Variants in RDH12 observed in about 807,000 individuals in gnomAD.
RDH12 encodes the protein retinol dehydrogenase 12, also known as all-trans and 9-cis retinol dehydrogenase.
Under a neutral mutation model 34.0 loss-of-function variants are expected in RDH12, and 21 were observed. That is an observed-to-expected ratio of 0.62 (90% CI 0.44 to 0.89). The LOEUF is 0.89. Ranked by LOEUF, RDH12 falls within the 40% of genes least tolerant of loss-of-function variation. The pLI is 0.00. For synonymous variants in RDH12, 198 were observed against 169.9 expected (o/e 1.17, Z -1.29); for missense variants, 394 against 398.6 (o/e 0.99, Z 0.10).
At chr14:67,732,515 T>C (rs8018479) in intron 8 of RDH12, among the ~76,000 whole-genome samples, 73,441 of 141,770 alleles carry the variant, frequency 0.52, 20,459 homozygotes, top group Non-Finnish European at 0.63. Flanking sequence ...AGACTATATC[T>C]CTATTTATAT....
chr14:67,715,274 G>C (rs1299518829), intron 1 of RDH12: 1 of 151,962 alleles, frequency 6.6e-6, no homozygotes, highest in Non-Finnish European at 1.5e-5. Context: ...ACAATATCCA[G>C]ATCTACTTCT....
At chr14:67,710,724 C>T (rs1184923274) in intron 1 of RDH12, among the ~76,000 whole-genome samples, 5 of 151,418 alleles carry the variant, frequency 3.3e-5, no homozygotes, top group Admixed American at 6.6e-5. Flanking sequence ...TTAAAGGACA[C>T]ACTTTTTTTT....
intron 2 of RDH12, 149 bp from the exon 3 acceptor site, chr14:67,722,275 G>A: frequency 2.8e-6 from 1 of 362,582 alleles, no homozygotes; most frequent in Non-Finnish European, 5.3e-6. Flanking sequence ...TGCAGTAGAG[G>A]TGGCAGTGGT....
chr14:67,711,731 C>A (rs2038010437), intron 1 of RDH12, among the ~76,000 whole-genome samples: 1 of 152,140 alleles, frequency 6.6e-6, no homozygotes, highest in Non-Finnish European at 1.5e-5. Flanking sequence ...GCTAAATAGC[C>A]TTAAATTTTC....
chr14:67,712,368 T>C (rs975626128), intron 1 of RDH12, among the ~76,000 whole-genome samples: 3 of 151,932 alleles, frequency 2.0e-5, no homozygotes, highest in African/African-American at 7.2e-5. Context: ...TTGTTTTTTG[T>C]TTTTTAATAA....
intron 8 of RDH12, among the ~76,000 whole-genome samples, chr14:67,731,467 A>G (rs987018077): frequency 2.5e-4 from 38 of 151,390 alleles, no homozygotes; most frequent in African/African-American, 9.0e-4. Context: ...CGCCCACCTC[A>G]GCCTCCCAAA....
chr14:67,704,257 G>C (rs576718995), intron 1 of RDH12, among the ~76,000 whole-genome samples: 22 of 152,270 alleles, frequency 1.4e-4, no homozygotes, highest in African/African-American at 4.3e-4. Context: ...GAAGGAGGAG[G>C]AGCAGCTAGA....
chr14:67,730,766 A>T (rs1016661737), intron 8 of RDH12, among the ~76,000 whole-genome samples: 1 of 151,774 alleles, frequency 6.6e-6, no homozygotes, highest in African/African-American at 2.4e-5. Context: ...ACCACACCTG[A>T]CTAGTTTTTG....
Position 67,722,627 on chromosome 14 carries a change from T to C in RDH12, c.-16T>C, listed in dbSNP as rs2038136888. On this transcript the variant is annotated 5_prime_UTR_variant, in exon 3 of 9. Coordinates refer to ENST00000551171, the MANE Select transcript of RDH12 (RefSeq NM_152443.3). ...GAGCAGCAGCAAAAGCAACAGCAGC[T>C]ACAGAAGTTGGAACGATGCTGGTCA... is the stretch of plus-strand genomic sequence containing the variant. 1.9e-6 allele frequency: 3 copies of C among 1,612,694 alleles called. No individual in the cohort carries two copies. Among genetic ancestry groups the C allele is most frequent in the Admixed American group, 1.7e-5 (1 of 60,016 alleles).
intron 1 of RDH12, chr14:67,706,301 A>T (rs1283099957): frequency 3.3e-5 from 5 of 152,226 alleles, no homozygotes; most frequent in Admixed American, 3.3e-4. Context: ...GGATTTTGTG[A>T]TATTTGTAGT....
At chr14:67,724,995 G>A in intron 4 of RDH12, 104 bp from the exon 5 acceptor site, 1 of 1,287,934 alleles carries the variant, frequency 7.8e-7, no homozygotes, top group Non-Finnish European at 1.1e-6. Flanking sequence ...TTGAAGGATG[G>A]CTGGGAGAAT....
At chr14:67,732,126 CAAAAA>C (rs71129854) in intron 8 of RDH12, among the ~76,000 whole-genome samples, 6 of 77,528 alleles carry the variant, frequency 7.7e-5, no homozygotes, top group Non-Finnish European at 1.6e-4. Context: ...GACTCTGTCT[CAAAAA>C]AAAAAAAAAA....
intron 2 of RDH12, among the ~76,000 whole-genome samples, chr14:67,721,329 A>G (rs2038121011): frequency 6.6e-6 from 1 of 151,962 alleles, no homozygotes; most frequent in Non-Finnish European, 1.5e-5. Context: ...ATCCTAGCTC[A>G]CTTCAACCTT....
chr14:67,729,872 A>G lies in RDH12; in HGVS notation c.848+492A>G, dbSNP rs1186291316. The G allele has an allele frequency of 1.1e-5, 5 of 453,544 alleles. No individual in the cohort carries two copies. The East Asian group carries it at 2.8e-4, about 25-fold the overall frequency. The allele number at this position is 453,544 out of a possible 1,614,324, so 28.1% of individuals were successfully genotyped here. The stretch of plus-strand genomic sequence containing the variant: ...AGTGCTGAATCTTATCATGAACTCA[A>G]TGAGCAACTAGAGTCTGGGAGTAAA... On this transcript the variant is annotated intron_variant, in intron 8 of 8. Transcript: ENST00000551171.
chr14:67,719,092 AG>A (rs1475645928), intron 1 of RDH12, among the ~76,000 whole-genome samples: 1 of 152,230 alleles, frequency 6.6e-6, no homozygotes, highest in Non-Finnish European at 1.5e-5. Flanking sequence ...AGGAGAAGGA[AG>A]GGGGACTCCT....
chr14:67,726,275 G>A (rs2038184790), intron 6 of RDH12, 120 bp downstream of exon 6: 3 of 742,650 alleles, frequency 4.0e-6, no homozygotes, highest in Non-Finnish European at 7.4e-6. Flanking sequence ...AATTCCAATA[G>A]ACTAGACCCA....
intron 2 of RDH12, among the ~76,000 whole-genome samples, chr14:67,722,202 A>T (rs2038131625): frequency 6.6e-6 from 1 of 151,682 alleles, no homozygotes; most frequent in Non-Finnish European, 1.5e-5. Context: ...ATTTTAATCC[A>T]CTCATATTTT....
At chr14:67,725,963 C>T in intron 5 of RDH12, 88 bp from the exon 6 acceptor site, 4 of 904,496 alleles carry the variant, frequency 4.4e-6, no homozygotes, top group Non-Finnish European at 7.5e-6. Flanking sequence ...AACTAATGAA[C>T]AAAGGGAAAG....
chr14:67,706,468 C>A (rs192165425), intron 1 of RDH12, among the ~76,000 whole-genome samples: 1 of 151,984 alleles, frequency 6.6e-6, no homozygotes, highest in Non-Finnish European at 1.5e-5. Context: ...TAGGGAGACA[C>A]GGGACATCAA....
Sources: gnomAD v4.1 joint callset for allele counts (sites outside exome capture counted in the v4.1 genomes callset) on GRCh38, gnomAD v4.1.1 for gene constraint, MANE v1.5 for transcripts, NCBI Gene and HGNC (gene_info 2026-07-23, HGNC 2026-07-21) for gene names.